LRRD1: variants seen among roughly 807,000 people sequenced by gnomAD.
The protein encoded by LRRD1 is leucine-rich repeat and death domain-containing protein 1.
In LRRD1, 49 loss-of-function variants were observed where a neutral mutation model predicts 69.5. The observed-to-expected ratio is 0.70, with a 90% CI of 0.56 to 0.89. The LOEUF (loss-of-function observed/expected upper bound fraction) is 0.89. Ranked by LOEUF, LRRD1 falls within the 40% of genes least tolerant of loss-of-function variation. The pLI, the probability that LRRD1 is intolerant of heterozygous loss-of-function variation, is 0.00. For synonymous variants in LRRD1, 303 were observed against 338.9 expected, an observed-to-expected ratio of 0.89 and a Z score of 1.16; for missense variants, 853 against 956.0, an observed-to-expected ratio of 0.89 and a Z score of 1.42.
chr7:92,149,905 AT>A (rs751231347), intron 4 of LRRD1: 1 of 456,710 alleles, frequency 2.2e-6, no homozygotes, highest in Non-Finnish European at 4.4e-6. Context: ...GAACTGACAG[AT>A]TTATGTGTGG....
intron 3 of LRRD1, among the ~76,000 whole-genome samples, chr7:92,153,203 C>T (rs1427561713): frequency 1.3e-5 from 2 of 151,726 alleles, no homozygotes; most frequent in African/African-American, 4.8e-5. Flanking sequence ...TAGCTGGGAC[C>T]ATAGGCACAA....
In LRRD1 at chr7:92,159,152, CAAGTTCTTT is replaced by C; in HGVS notation, c.1960_1968del (p.Lys654_Leu656del). ...TCTCTGATTGCATTATTTGAGATAT[CAAGTTCTTT>C]AAGTTGAGTCATATTAGATAGCTCT... On this transcript the variant is annotated inframe_deletion, in exon 3 of 6. Transcript: ENST00000458448. 3.2e-6 allele frequency: 5 copies of C among 1,542,698 alleles called. No individual in the cohort carries two copies. Among genetic ancestry groups the C allele is most frequent in the Non-Finnish European group, 4.4e-6 (5 of 1,144,278 alleles).
At chr7:92,156,843 T>C (rs1386550327) in intron 3 of LRRD1, among the ~76,000 whole-genome samples, 3 of 152,196 alleles carry the variant, frequency 2.0e-5, no homozygotes, top group Non-Finnish European at 2.9e-5. Context: ...AACTTTACTT[T>C]AATCCTGATC....
rs543509211 is a variant in LRRD1 at position 92,161,052 on chromosome 7, T to C, written c.1918-1849A>G. 3.3e-5 allele frequency among the ~76,000 whole-genome samples: 5 copies of C among 152,294 alleles called. No individual in the cohort carries two copies. In the East Asian group the frequency reaches 9.7e-4, roughly 29 times the overall value. The stretch of plus-strand genomic sequence containing the variant: ...AACAGATAGGTGGGTTCAGTTTTAT[T>C]TGGCATTCATTGAAACAAATATTCT... On this transcript the variant is annotated intron_variant, in intron 2 of 5. Transcript: ENST00000458448.
At chr7:92,176,329 A>G (rs773726114) in intron 1 of LRRD1, among the ~76,000 whole-genome samples, 4 of 152,162 alleles carry the variant, frequency 2.6e-5, no homozygotes, top group Non-Finnish European at 5.9e-5. Flanking sequence ...TGTATGTAGC[A>G]ATCTGACTAG....
chr7:92,150,290 CCT>C (rs1820433641), intron 4 of LRRD1, among the ~76,000 whole-genome samples: 2 of 151,890 alleles, frequency 1.3e-5, no homozygotes, highest in South Asian at 4.2e-4. Flanking sequence ...ACAGTGAGAC[CCT>C]GTCTCTACTA....
rs1199428608 is a variant in LRRD1 at position 92,179,097 on chromosome 7, C to A, written c.-165G>T. ...CAGCAATTGCGAGGACCTCCGCAGG[C>A]GCAGCCCAGCACTGACGCCTCTCCG... On this transcript the variant is annotated 5_prime_UTR_variant, in exon 1 of 6. Transcript: ENST00000458448. The A allele has an allele frequency of 2.6e-5, 4 of 152,288 alleles. No homozygotes were observed. Among genetic ancestry groups the A allele is most frequent in the Non-Finnish European group, 5.9e-5 (4 of 68,076 alleles). The allele number at this position is 152,288 out of a possible 1,614,324, so 9.4% of individuals were successfully genotyped here.
chr7:92,167,984 G>C (rs985800202), intron 1 of LRRD1, among the ~76,000 whole-genome samples: 7 of 148,390 alleles, frequency 4.7e-5, no homozygotes, highest in Admixed American at 3.4e-4. Flanking sequence ...GAGATTTCAA[G>C]TTCTAAAATT....
At chr7:92,166,090 G>A (rs375876026) in intron 1 of LRRD1, among the ~76,000 whole-genome samples, 8 of 152,146 alleles carry the variant, frequency 5.3e-5, no homozygotes, top group South Asian at 2.1e-4. Context: ...TAGTCCTTGC[G>A]TGGATTGCAA....
In LRRD1 at chr7:92,150,676, T is replaced by A. The variant is rs1028734633; in HGVS notation, c.2136A>T (p.Leu712=). 6.5e-7 allele frequency: 1 copy of A among 1,542,022 alleles called. No homozygotes were observed. Among genetic ancestry groups the A allele is most frequent in the African/African-American group, 1.4e-5 (1 of 72,738 alleles). Residue 712 remains leucine, a synonymous_variant, in exon 4 of 6, where the codon CTA becomes CTT. Transcript: ENST00000458448. ...LNLSGNNLTA[L]PSAIYNIFSL... The stretch of plus-strand genomic sequence containing the variant: ...AAAAAATATTGTAGATAGCACTAGG[T>A]AGAGCTGTCAGATTATTTCCTAGTA...
At chr7:92,175,357 C>G (rs777706333) in intron 1 of LRRD1, among the ~76,000 whole-genome samples, 7 of 152,050 alleles carry the variant, frequency 4.6e-5, no homozygotes, top group Admixed American at 1.3e-4. Flanking sequence ...GAAACTTTAA[C>G]AGAGTGCTGG....
chr7:92,141,827 C>T (rs141179377), downstream of LRRD1: 1 of 152,358 alleles, frequency 6.6e-6, no homozygotes, highest in Non-Finnish European at 1.5e-5. Context: ...TTATGTTGCA[C>T]TTCCAAAATG....
downstream of LRRD1, among the ~76,000 whole-genome samples, chr7:92,143,611 C>A (rs1046964662): frequency 2.0e-5 from 3 of 152,140 alleles, no homozygotes; most frequent in Non-Finnish European, 2.9e-5. Flanking sequence ...GCTGGCCGGC[C>A]GCTCCGAGTG....
At chr7:92,157,719 G>A (rs1788696856) in intron 3 of LRRD1, among the ~76,000 whole-genome samples, 1 of 151,646 alleles carries the variant, frequency 6.6e-6, no homozygotes. Context: ...TTGATTACAG[G>A]TGTGCCCCAC....
intron 3 of LRRD1, among the ~76,000 whole-genome samples, chr7:92,157,060 T>C (rs1384512816): frequency 1.3e-5 from 2 of 150,446 alleles, no homozygotes; most frequent in Non-Finnish European, 3.0e-5. Context: ...AGATGAGGTC[T>C]TGTTTTGTTG....
chr7:92,146,155 G>A lies in LRRD1; in HGVS notation c.2324C>T (p.Thr775Ile). ...ACATAAAAATTCAAAATTGGTTTCA[G>A]TGATGTTGTTGGCAACTATCTTGAA... ...KIFKIVANNI[T>I]ETNFEFLCQK... The change falls in exon 5 of 6, where the codon ACT (threonine) becomes ATT (isoleucine). Residue 775 changes from threonine (T) to isoleucine (I), a missense_variant. This residue lies in a region of LRRD1 where 739 missense variants were observed against 808.0 expected (regional missense o/e 0.91). Coordinates refer to ENST00000458448, the MANE Select transcript of LRRD1 (RefSeq NM_001161528.2). 6.5e-7 allele frequency: 1 copy of A among 1,541,176 alleles called. No individual in the cohort carries two copies. Among genetic ancestry groups the A allele is most frequent in the South Asian group, 1.2e-5 (1 of 80,976 alleles).
chr7:92,147,086 C>CTTTTTT, intron 4 of LRRD1, among the ~76,000 whole-genome samples: 1 of 140,604 alleles, frequency 7.1e-6, no homozygotes. Flanking sequence ...TTTTTTGAGA[C>CTTTTTT]AGAGTTTCAC....
chr7:92,167,388 T>A (rs1788935752), intron 1 of LRRD1, among the ~76,000 whole-genome samples: 1 of 151,832 alleles, frequency 6.6e-6, no homozygotes, highest in Non-Finnish European at 1.5e-5. Context: ...GCCTGTAAAC[T>A]TTTTAGTTTT....
intron 2 of LRRD1, among the ~76,000 whole-genome samples, 158 bp from the exon 3 acceptor site, chr7:92,159,361 C>T (rs1426736294): frequency 6.6e-6 from 1 of 152,114 alleles, no homozygotes; most frequent in Non-Finnish European, 1.5e-5. Flanking sequence ...GACTGACTCT[C>T]CCTTCTGACT....
Sources: gnomAD v4.1 joint callset for allele counts (sites outside exome capture counted in the v4.1 genomes callset) on GRCh38, gnomAD v4.1.1 for gene constraint, gnomAD v4.1.1 regional missense constraint, MANE v1.5 for transcripts, NCBI Gene and HGNC (gene_info 2026-07-23, HGNC 2026-07-21) for gene names.